PAK5: variants seen among roughly 807,000 people sequenced by gnomAD.
PAK5 encodes the protein serine/threonine-protein kinase PAK 5.
PAK5 carries 16 observed loss-of-function variants against 65.9 expected under a neutral mutation model. That is an observed-to-expected ratio of 0.24 (90% CI 0.16 to 0.37). The LOEUF (loss-of-function observed/expected upper bound fraction) is 0.37. Among genes scored for constraint, PAK5 ranks in the 10% least tolerant of loss-of-function variants. PAK5 has a pLI of 1.00. For missense variants in PAK5, 785 were observed against 903.9 expected (o/e 0.87, Z 1.69); for synonymous variants, 371 against 354.9 (o/e 1.05, Z -0.51).
chr20:9,759,570 C>G (rs2048674822), intron 1 of PAK5, among the ~76,000 whole-genome samples: 1 of 152,168 alleles, frequency 6.6e-6, no homozygotes, highest in Non-Finnish European at 1.5e-5. Flanking sequence ...ATTTGCATCT[C>G]TATCAAGCTC....
intron 2 of PAK5, among the ~76,000 whole-genome samples, chr20:9,669,756 T>C (rs1044578685): frequency 3.9e-5 from 6 of 151,996 alleles, no homozygotes; most frequent in African/African-American, 1.4e-4. Context: ...TTTATTTTTA[T>C]TTATTTTGAT....
intron 7 of PAK5, among the ~76,000 whole-genome samples, chr20:9,548,364 C>T (rs1375709037): frequency 6.7e-6 from 1 of 149,132 alleles, no homozygotes; most frequent in African/African-American, 2.4e-5. Flanking sequence ...ACGTTGATCA[C>T]TCTCTTTTTT....
chr20:9,589,071 T>C (rs181876798), intron 3 of PAK5, among the ~76,000 whole-genome samples: 74 of 152,342 alleles, frequency 4.9e-4, no homozygotes, highest in African/African-American at 1.6e-3. Flanking sequence ...TTTGCCCTAA[T>C]AGGACCTCAC....
intron 9 of PAK5, among the ~76,000 whole-genome samples, chr20:9,540,392 A>C (rs2045241870): frequency 6.6e-6 from 1 of 152,202 alleles, no homozygotes; most frequent in Non-Finnish European, 1.5e-5. Flanking sequence ...ATCTCCCTGC[A>C]AAAGGTCACC....
rs138049216 is a variant in PAK5, at chr20:9,710,292, T to C, written c.-12+994A>G. Among the ~76,000 whole-genome samples, 92 of 152,246 alleles carry C rather than the reference T, an allele frequency of 6.0e-4. No homozygotes were observed. The Middle Eastern group carries it at 0.017, about 28-fold the overall frequency. On this transcript the variant is annotated intron_variant, in intron 2 of 9. Coordinates refer to ENST00000353224, the MANE Select transcript of PAK5 (RefSeq NM_177990.4). ...GTTACAAGATAACCCACCTAGAATATGAGATTTTGGGCAGAATTTTCTTTA... is the reference window on the plus strand; with the variant it reads ...GTTACAAGATAACCCACCTAGAATACGAGATTTTGGGCAGAATTTTCTTTA...
At chr20:9,815,599 G>A (rs187794227) in intron 1 of PAK5, among the ~76,000 whole-genome samples, 4 of 151,966 alleles carry the variant, frequency 2.6e-5, no homozygotes, top group South Asian at 2.1e-4. Flanking sequence ...TGGTCCCGTC[G>A]GTTATAATTC....
At chr20:9,637,094 A>G (rs1300110537) in intron 3 of PAK5, among the ~76,000 whole-genome samples, 2 of 152,170 alleles carry the variant, frequency 1.3e-5, no homozygotes, top group Non-Finnish European at 2.9e-5. Flanking sequence ...TTGACCACCT[A>G]GGCTCAAACG....
chr20:9,611,519 C>T (rs945321839), intron 3 of PAK5, among the ~76,000 whole-genome samples: 9 of 152,176 alleles, frequency 5.9e-5, no homozygotes, highest in Non-Finnish European at 1.0e-4. Context: ...CTTTTCTTGT[C>T]ACTTCTCTAC....
intron 3 of PAK5, among the ~76,000 whole-genome samples, chr20:9,606,261 T>G (rs553024545): frequency 3.3e-5 from 5 of 152,328 alleles, no homozygotes; most frequent in Admixed American, 3.3e-4. Flanking sequence ...TCTAGCCATG[T>G]GATGTATCTG....
chr20:9,751,158 CTA>C (rs769421056), intron 1 of PAK5, among the ~76,000 whole-genome samples: 13 of 152,230 alleles, frequency 8.5e-5, no homozygotes, highest in Non-Finnish European at 1.9e-4. Flanking sequence ...TATACAGAAT[CTA>C]TGAGGTAAAA....
intron 2 of PAK5, among the ~76,000 whole-genome samples, chr20:9,700,886 T>A (rs779963596): frequency 4.6e-5 from 7 of 152,174 alleles, no homozygotes; most frequent in Non-Finnish European, 1.0e-4. Flanking sequence ...GTTGTTTGCA[T>A]ATTTTTGTTT....
intron 3 of PAK5, among the ~76,000 whole-genome samples, chr20:9,611,414 T>A (rs1353489027): frequency 6.6e-6 from 1 of 151,568 alleles, no homozygotes; most frequent in Non-Finnish European, 1.5e-5. Context: ...ACTGAGAGAG[T>A]CTACACAAAC....
chr20:9,821,889 T>C (rs1329298951), intron 1 of PAK5, among the ~76,000 whole-genome samples: 2 of 152,220 alleles, frequency 1.3e-5, no homozygotes, highest in African/African-American at 4.8e-5. Flanking sequence ...AGTTTCAAGA[T>C]AGCTATTCCT....
intron 1 of PAK5, among the ~76,000 whole-genome samples, chr20:9,732,433 G>C (rs1243562219): frequency 6.6e-6 from 1 of 152,032 alleles, no homozygotes; most frequent in Non-Finnish European, 1.5e-5. Flanking sequence ...GAAAAATTGG[G>C]AAAATGCATA....
At chr20:9,661,536 A>G (rs568187688) in intron 2 of PAK5, among the ~76,000 whole-genome samples, 4 of 152,314 alleles carry the variant, frequency 2.6e-5, no homozygotes, top group Admixed American at 2.0e-4. Context: ...TGTAAATTCT[A>G]GAGAAGGCTA....
chr20:9,693,605 T>C (rs182653462), intron 2 of PAK5, among the ~76,000 whole-genome samples: 10 of 152,308 alleles, frequency 6.6e-5, no homozygotes, highest in African/African-American at 2.2e-4. Flanking sequence ...TTGTCAGTAA[T>C]GTAGAATTTC....
At chr20:9,679,433 T>C (rs1230304546) in intron 2 of PAK5, among the ~76,000 whole-genome samples, 1 of 152,318 alleles carries the variant, frequency 6.6e-6, no homozygotes, top group African/African-American at 2.4e-5. Context: ...TCTTGGTACA[T>C]GCCTTATCTT....
Position 9,794,894 on chromosome 20 carries a change from ACT to A in PAK5, c.-162+43866_-162+43867del, listed in dbSNP as rs368399408. 5.9e-5 allele frequency among the ~76,000 whole-genome samples: 9 copies of A among 152,004 alleles called. No homozygotes were observed. In the East Asian group the frequency reaches 1.7e-3, roughly 30 times the overall value. On this transcript the variant is annotated intron_variant, in intron 1 of 9. Coordinates refer to ENST00000353224, the MANE Select transcript of PAK5 (RefSeq NM_177990.4). ...GATCCCCTGGATGGCTTTTCTTCTC[ACT>A]CTCATTCCCTTTCCTACAGCACATT...
intron 3 of PAK5, among the ~76,000 whole-genome samples, chr20:9,601,915 C>T (rs1412600303): frequency 1.3e-5 from 2 of 152,122 alleles, no homozygotes; most frequent in Non-Finnish European, 2.9e-5. Context: ...CAGCCTAAGA[C>T]CCATGAGCAA....
Sources: allele counts gnomAD v4.1 joint callset (sites outside exome capture counted in the v4.1 genomes callset), GRCh38; gene constraint gnomAD v4.1.1; transcripts MANE v1.5; gene names NCBI Gene and HGNC (gene_info 2026-07-23, HGNC 2026-07-21).